FRMPD1: variants seen among roughly 807,000 people sequenced by gnomAD.
FRMPD1 encodes the protein FERM and PDZ domain containing 1.
FRMPD1 carries 76 observed loss-of-function variants against 117.8 expected under a neutral mutation model. That is an observed-to-expected ratio of 0.65 (90% CI 0.54 to 0.78). The LOEUF is 0.78. Among genes scored for constraint, FRMPD1 ranks in the 30% least tolerant of loss-of-function variants. FRMPD1 has a pLI of 0.00. For synonymous variants in FRMPD1, 783 were observed against 770.4 expected (o/e 1.02, Z -0.27); for missense variants, 1,786 against 1,964.5 (o/e 0.91, Z 1.72).
At chr9:37,678,773 C>G (rs1005602198) in intron 1 of FRMPD1, among the ~76,000 whole-genome samples, 9 of 152,220 alleles carry the variant, frequency 5.9e-5, no homozygotes, top group African/African-American at 2.2e-4. Context: ...ATCGCAAGAC[C>G]TGGAGTCACT....
chr9:37,700,504 C>T (rs191005505), intron 2 of FRMPD1, among the ~76,000 whole-genome samples: 1 of 152,352 alleles, frequency 6.6e-6, no homozygotes, highest in African/African-American at 2.4e-5. Context: ...TGTTTCTCCA[C>T]ATCCTGCTGG....
chr9:37,740,245 C>A lies in FRMPD1; in HGVS notation c.1717C>A (p.Pro573Thr). The A allele has an allele frequency of 6.2e-7, 1 of 1,613,960 alleles. No homozygotes were observed. Among genetic ancestry groups the A allele is most frequent in the South Asian group, 1.1e-5 (1 of 91,078 alleles). The change falls in exon 15 of 16, where the codon CCC becomes ACC. Residue 573 changes from proline (P) to threonine (T), a missense_variant. Transcript: ENST00000377765. The surrounding 1 kb of genome is among the most constrained non-coding windows in gnomAD (Gnocchi z 4.2). ...SPTPEVARRG[P>T]STCGASSTTD... Reference sequence around the variant, plus strand: ...CACACCTGAGGTGGCTAGGAGGGGCCCCAGCACCTGCGGGGCCAGCAGCAC... The same window carrying A: ...CACACCTGAGGTGGCTAGGAGGGGCACCAGCACCTGCGGGGCCAGCAGCAC...
chr9:37,663,247 G>A (rs1185115205), intron 1 of FRMPD1, among the ~76,000 whole-genome samples: 1 of 152,130 alleles, frequency 6.6e-6, no homozygotes, highest in Non-Finnish European at 1.5e-5. Flanking sequence ...ATTGGTGTGA[G>A]TGCCAGGATT....
chr9:37,638,899 C>G, the FRMPD1 span, among the ~76,000 whole-genome samples: 2 of 152,200 alleles, frequency 1.3e-5, no homozygotes, highest in African/African-American at 2.4e-5. Flanking sequence ...AAGTGACTTC[C>G]TGCTATGAAA....
At chr9:37,659,390 G>A (rs946782087) in intron 1 of FRMPD1, among the ~76,000 whole-genome samples, 2 of 152,234 alleles carry the variant, frequency 1.3e-5, no homozygotes, top group African/African-American at 2.4e-5. Flanking sequence ...TTGTACAGAT[G>A]TGGGTGGGGC....
At chr9:37,622,929 CAA>C in the FRMPD1 span, among the ~76,000 whole-genome samples, 2 of 150,518 alleles carry the variant, frequency 1.3e-5, no homozygotes, top group Non-Finnish European at 3.0e-5. Flanking sequence ...AAAAAAAAAA[CAA>C]AGAGAGATGC....
chr9:37,733,983 C>T (rs113564462), intron 12 of FRMPD1, among the ~76,000 whole-genome samples, 158 bp downstream of exon 12: 2,731 of 152,224 alleles, frequency 0.018, 80 homozygotes, highest in African/African-American at 0.062. Flanking sequence ...ATATTTACCA[C>T]GCGTTTGCTT....
intron 4 of FRMPD1, among the ~76,000 whole-genome samples, chr9:37,709,058 C>T (rs997519436): frequency 1.3e-5 from 2 of 152,106 alleles, no homozygotes; most frequent in African/African-American, 4.8e-5. Context: ...GACCAGGGCT[C>T]AGTGGGTGCT....
intron 1 of FRMPD1, chr9:37,668,381 G>A (rs1188017136): frequency 3.9e-5 from 6 of 152,262 alleles, no homozygotes; most frequent in Admixed American, 6.5e-5. Context: ...CCTGGCAGTC[G>A]GTTTTACTTG....
chr9:37,698,396 C>CCCT (rs1822403680), intron 2 of FRMPD1, among the ~76,000 whole-genome samples: 1 of 151,690 alleles, frequency 6.6e-6, no homozygotes, highest in South Asian at 2.1e-4. Flanking sequence ...CTTTACTGAC[C>CCCT]CCTCCTTTAT....
the FRMPD1 span, among the ~76,000 whole-genome samples, chr9:37,605,649 C>A: frequency 0.095 from 14,416 of 152,100 alleles, 856 homozygotes; most frequent in Middle Eastern, 0.15. Context: ...GCAGATAAGA[C>A]TAATTCCAAA....
chr9:37,675,967 A>C (rs936271905), intron 1 of FRMPD1, among the ~76,000 whole-genome samples: 4 of 152,238 alleles, frequency 2.6e-5, no homozygotes, highest in Admixed American at 2.6e-4. Context: ...TCATCTCTCT[A>C]ATCCTTAAAA....
intron 2 of FRMPD1, among the ~76,000 whole-genome samples, chr9:37,706,657 A>G (rs571159336): frequency 2.0e-5 from 3 of 152,360 alleles, no homozygotes; most frequent in South Asian, 2.1e-4. Context: ...AGGAACATAC[A>G]TGTTTTAAAA....
intron 4 of FRMPD1, among the ~76,000 whole-genome samples, chr9:37,710,683 T>G (rs1822873118): frequency 6.6e-6 from 1 of 152,048 alleles, no homozygotes; most frequent in Non-Finnish European, 1.5e-5. Context: ...AAAATTTTTT[T>G]GGGTTGGGCA....
intron 15 of FRMPD1, among the ~76,000 whole-genome samples, chr9:37,743,168 C>T (rs1824501122): frequency 6.6e-6 from 1 of 152,202 alleles, no homozygotes; most frequent in Non-Finnish European, 1.5e-5. Context: ...ATGCACAAAA[C>T]TCGATGCCTG....
In FRMPD1 at chr9:37,744,364, G is replaced by C. The variant is rs1024862194; in HGVS notation, c.2357-25G>C. ...ACCTCTTTTTTTTGTGCTTTTTAAT[G>C]TATTTTTTCTTTCCTGACTCCCAGG... On this transcript the variant is annotated intron_variant, in intron 15 of 15. Coordinates refer to ENST00000377765, the MANE Select transcript of FRMPD1 (RefSeq NM_014907.3). 3.3e-6 allele frequency: 5 copies of C among 1,514,324 alleles called. No homozygotes were observed. The African/African-American group carries it at 7.0e-5, about 21-fold the overall frequency. 93.8% of individuals were successfully genotyped at this position (1,514,324 alleles called of 1,614,324 possible). A position where few individuals can be genotyped will look rare whatever the true frequency, so the allele number is the denominator to read the frequency against.
At chr9:37,667,061 G>GTTTTTTTTTTTTTT (rs1563923428) in intron 1 of FRMPD1, among the ~76,000 whole-genome samples, 15 of 66,992 alleles carry the variant, frequency 2.2e-4, no homozygotes, top group African/African-American at 1.0e-3. Context: ...ATTGAAGCAT[G>GTTTTTTTTTTTTTT]CTTTTTTTTT....
At position 37,682,256 on chromosome 9, in the gene FRMPD1, T is replaced by C. The variant is rs145923635; in HGVS notation, c.-4-10382T>C. Among the ~76,000 whole-genome samples the C allele has an allele frequency of 1.2e-4, 18 of 152,326 alleles. 1 individual carries two copies. Among genetic ancestry groups the C allele is most frequent in the African/African-American group, 3.8e-4 (16 of 41,568 alleles). The stretch of plus-strand genomic sequence containing the variant: ...ATGTCTTGTCTTCCAAATGGAGTTA[T>C]GGATTCCCACTATGTGGGGTTGTCA... On this transcript the variant is annotated intron_variant, in intron 1 of 15. Coordinates refer to ENST00000377765, the MANE Select transcript of FRMPD1 (RefSeq NM_014907.3).
the FRMPD1 span, among the ~76,000 whole-genome samples, chr9:37,643,917 C>T: frequency 2.0e-5 from 3 of 152,254 alleles, no homozygotes; most frequent in African/African-American, 7.2e-5. Flanking sequence ...GGTGGGGTTG[C>T]GCTGCTGTGT....
Sources: allele counts gnomAD v4.1 joint callset (sites outside exome capture counted in the v4.1 genomes callset), GRCh38; gene constraint gnomAD v4.1.1; non-coding constraint Gnocchi (gnomAD v3.1); transcripts MANE v1.5; gene names NCBI Gene and HGNC (gene_info 2026-07-23, HGNC 2026-07-21).